KLK11: variants seen among roughly 807,000 people sequenced by gnomAD.
The protein encoded by KLK11 is kallikrein related peptidase 11.
Under a neutral mutation model 23.4 loss-of-function variants are expected in KLK11, and 10 were observed. The observed-to-expected ratio is 0.43, with a 90% CI of 0.26 to 0.73. The LOEUF (loss-of-function observed/expected upper bound fraction) is 0.73. Among genes scored for constraint, KLK11 ranks in the 30% least tolerant of loss-of-function variants. KLK11 has a pLI of 0.22. For synonymous variants in KLK11, 131 were observed against 131.7 expected (o/e 0.99, Z 0.03); for missense variants, 285 against 327.8 (o/e 0.87, Z 1.01).
Position 51,025,465 on chromosome 19 carries a change from C to T in KLK11, c.40+127G>A. 1.8e-6 allele frequency: 1 copy of T among 548,728 alleles called. No homozygotes were observed. Among genetic ancestry groups the T allele is most frequent in the Non-Finnish European group, 3.1e-6 (1 of 317,792 alleles). 34.0% of individuals were successfully genotyped at this position (548,728 alleles called of 1,614,324 possible). On this transcript the variant is annotated intron_variant, in intron 2 of 5. Coordinates refer to ENST00000453757, the MANE Select transcript of KLK11 (RefSeq NM_001136032.3). This position sits in a 1 kb window ranked among gnomAD's most constrained non-coding sequence, Gnocchi z 6.2. ...ATCCAGGCCCTCATGACCACTGCTC[C>T]AGTTCAGGTGCCTTATGGGTTGTTC...
chr19:51,023,015 A>T (rs1346239572), intron 5 of KLK11, 77 bp downstream of exon 5: 13 of 1,489,492 alleles, frequency 8.7e-6, no homozygotes, highest in Non-Finnish European at 1.1e-5. Context: ...GAGGTTGGGG[A>T]TGAAATTGTG....
At position 51,024,449 on chromosome 19, in the gene KLK11, C is replaced by A; in HGVS notation, c.198-139G>T. On this transcript the variant is annotated intron_variant, in intron 3 of 5. Transcript: ENST00000453757. The surrounding 1 kb of genome is among the most constrained non-coding windows in gnomAD (Gnocchi z 6.2). ...ACGTCTCCCACCGAAGCCCCCTTCCCAGCCATAGCCCCATCCCAACCCCAT... is the reference window on the plus strand; with the variant it reads ...ACGTCTCCCACCGAAGCCCCCTTCCAAGCCATAGCCCCATCCCAACCCCAT... 7.1e-7 allele frequency: 1 copy of A among 1,408,832 alleles called. No homozygotes were observed. The allele number at this position is 1,408,832 out of a possible 1,614,324, so 87.3% of individuals were successfully genotyped here. A position where few individuals can be genotyped will look rare whatever the true frequency, so the allele number is the denominator to read the frequency against.
At chr19:51,023,384 C>CTT (rs780238378) in intron 4 of KLK11, 156 bp from the exon 5 acceptor site, 12,628 of 478,602 alleles carry the variant, frequency 0.026, no homozygotes, top group South Asian at 0.034. Context: ...TGCTATCCAG[C>CTT]TTTTTTTTTT....
Position 51,022,692 on chromosome 19 carries a change from G to A in KLK11, c.606C>T (p.Asp202=). Residue 202 remains aspartate (D), a synonymous_variant, in exon 6 of 6, where the codon GAC becomes GAT. Coordinates refer to ENST00000453757, the MANE Select transcript of KLK11 (RefSeq NM_001136032.3). ...GGTTACAGACCAGAGGGCCCCCGGA[G>A]TCACCCTGGGCACGGGGAGAGAGAA... ...QEGGKDSCQG[D]SGGPLVCNQS... is the part of the protein sequence containing the mutation. The A allele has an allele frequency of 6.2e-7, 1 of 1,612,942 alleles. No individual in the cohort carries two copies. Among genetic ancestry groups the A allele is most frequent in the Non-Finnish European group, 8.5e-7 (1 of 1,180,034 alleles).
At chr19:51,026,621 C>A, upstream of KLK11, 3 of 986,824 alleles carry the variant, frequency 3.0e-6, no homozygotes, top group Non-Finnish European at 3.6e-6. Flanking sequence ...TGGGTTGGAG[C>A]GCCAGGTGCC....
Position 51,022,626 on chromosome 19 carries a change from A to G in KLK11, c.672T>C (p.Cys224=). Residue 224 remains cysteine, a synonymous_variant, in exon 6 of 6, where the codon TGT becomes TGC. Coordinates refer to ENST00000453757, the MANE Select transcript of KLK11 (RefSeq NM_001136032.3). ...AGACACCAGGCTTTCGGGTGATCGC[A>G]CACGGATCCTGGCCCCAGGAGATAA... ...QGIISWGQDP[C]AITRKPGVYT... 6.2e-7 allele frequency: 1 copy of G among 1,613,876 alleles called. No individual in the cohort carries two copies. Among genetic ancestry groups the G allele is most frequent in the Middle Eastern group, 1.7e-4 (1 of 5,796 alleles).
At chr19:51,027,529 G>A (rs758646547), upstream of KLK11, 13 of 1,613,790 alleles carry the variant, frequency 8.1e-6, no homozygotes, top group East Asian at 6.7e-5. Flanking sequence ...TGCGGAACCC[G>A]AGCGCAGATT....
In KLK11 at chr19:51,024,319, G is replaced by A. The variant is rs967521717; in HGVS notation, c.198-9C>T. 1.2e-6 allele frequency: 2 copies of A among 1,612,452 alleles called. No individual in the cohort carries two copies. Among genetic ancestry groups the A allele is most frequent in the African/African-American group, 1.3e-5 (1 of 74,864 alleles). On this transcript the variant is annotated splice_polypyrimidine_tract_variant and intron_variant, in intron 3 of 5. Coordinates refer to ENST00000453757, the MANE Select transcript of KLK11 (RefSeq NM_001136032.3). The surrounding 1 kb of genome is among the most constrained non-coding windows in gnomAD (Gnocchi z 6.2). ...GGTGAACTATGTAGCGGCTGAGGTG[G>A]GAGAGACAGTAGTTGGAGGAGGAAA...
In KLK11 at chr19:51,023,138, G is replaced by A. The variant is rs567192332; in HGVS notation, c.554C>T (p.Thr185Ile). The A allele has an allele frequency of 1.2e-6, 2 of 1,613,310 alleles. No homozygotes were observed. The highest frequency in any genetic ancestry group is 2.2e-5 in the South Asian group (2 of 90,800). Reference protein sequence around the residue: ...ENAYPGNITDTMVCASVQEGG... With the variant: ...ENAYPGNITDIMVCASVQEGG... ...TTCCTGCACGCTGGCACACACCATG[G>A]TGTCTGTGATGTTGCCGGGGTAGGC... Residue 185 changes from threonine to isoleucine, a missense_variant, in exon 5 of 6, where the codon ACC becomes ATC. Transcript: ENST00000453757.
upstream of KLK11, chr19:51,027,178 T>G (rs1191336463): frequency 2.5e-6 from 1 of 403,264 alleles, no homozygotes. Flanking sequence ...CCAGCCCAGG[T>G]GGGCCCCTGG....
In KLK11 at chr19:51,022,530, G is replaced by C; in HGVS notation, c.*15C>G. The C allele has an allele frequency of 6.2e-7, 1 of 1,614,116 alleles. No homozygotes were observed. The highest frequency in any genetic ancestry group is 8.5e-7 in the Non-Finnish European group (1 of 1,180,006). On this transcript the variant is annotated 3_prime_UTR_variant, in exon 6 of 6. Transcript: ENST00000453757. Reference sequence around the variant, plus strand: ...TGGAAATGGAGGGTGATGGGCTGTGGTGGGTGGGTCCAGTCTAATTGTTCT... The same window carrying C: ...TGGAAATGGAGGGTGATGGGCTGTGCTGGGTGGGTCCAGTCTAATTGTTCT...
In KLK11 at chr19:51,025,693, G is replaced by A. The variant is rs199597834; in HGVS notation, c.-35-27C>T. ...TGGGAACAAGGAGGGACATGGGGCC[G>A]CATCACTTTACGGGGAAATCGGGAG... is the stretch of plus-strand genomic sequence containing the variant. On this transcript the variant is annotated intron_variant, in intron 1 of 5. Coordinates refer to ENST00000453757, the MANE Select transcript of KLK11 (RefSeq NM_001136032.3). The surrounding 1 kb of genome is among the most constrained non-coding windows in gnomAD (Gnocchi z 6.2). The A allele has an allele frequency of 5.8e-5, 74 of 1,285,750 alleles. No homozygotes were observed. Among genetic ancestry groups the A allele is most frequent in the East Asian group, 2.7e-4 (10 of 36,886 alleles). 79.6% of individuals were successfully genotyped at this position (1,285,750 alleles called of 1,614,324 possible).
Position 51,024,405 on chromosome 19 carries a change from T to C in KLK11, c.198-95A>G, listed in dbSNP as rs2091448032. ...ACCTTTGAGGATGAAGAAACATCGC[T>C]CTGCTTCCAACCTCTTCCACGTCTC... On this transcript the variant is annotated intron_variant, in intron 3 of 5. Transcript: ENST00000453757. The surrounding 1 kb of genome is among the most constrained non-coding windows in gnomAD (Gnocchi z 6.2). 3.2e-6 allele frequency: 5 copies of C among 1,545,174 alleles called. No homozygotes were observed. The highest frequency in any genetic ancestry group is 4.5e-5 in the East Asian group (2 of 44,082).
chr19:51,022,239 T>C lies in KLK11; in HGVS notation c.*306A>G, dbSNP rs756310948. Reference sequence around the variant, plus strand: ...AGTAAGCACTCAGTAGATTCACTCATTTAGCAAATATTTATTGAAACCTTG... The same window carrying C: ...AGTAAGCACTCAGTAGATTCACTCACTTAGCAAATATTTATTGAAACCTTG... On this transcript the variant is annotated 3_prime_UTR_variant, in exon 6 of 6. Coordinates refer to ENST00000453757, the MANE Select transcript of KLK11 (RefSeq NM_001136032.3). 21 of 408,124 alleles carry C rather than the reference T, an allele frequency of 5.1e-5. No individual in the cohort carries two copies. Among genetic ancestry groups the C allele is most frequent in the Non-Finnish European group, 9.2e-5 (20 of 216,850 alleles). The allele number at this position is 408,124 out of a possible 1,614,324, so 25.3% of individuals were successfully genotyped here.
At chr19:51,026,664 G>T, upstream of KLK11, 6 of 929,370 alleles carry the variant, frequency 6.5e-6, no homozygotes, top group Non-Finnish European at 7.7e-6. Context: ...CAGGGGGGCG[G>T]CCCTGGGCGG....
Position 51,024,945 on chromosome 19 carries a change from C to T in KLK11, c.41-151G>A, listed in dbSNP as rs939896655. The T allele has an allele frequency of 8.3e-5, 55 of 664,724 alleles. No individual in the cohort carries two copies. The highest frequency in any genetic ancestry group is 2.4e-4 in the South Asian group (10 of 41,452). The allele number at this position is 664,724 out of a possible 1,614,324, so 41.2% of individuals were successfully genotyped here. A position where few individuals can be genotyped will look rare whatever the true frequency, so the allele number is the denominator to read the frequency against. ...TCTGGGTTGCCCTGGATGCTGGGGT[C>T]GGGTATTAAAGGATGAAAATACTTC... On this transcript the variant is annotated intron_variant, in intron 2 of 5. Transcript: ENST00000453757. The surrounding 1 kb of genome is among the most constrained non-coding windows in gnomAD (Gnocchi z 6.2).
At position 51,025,576 on chromosome 19, in the gene KLK11, C is replaced by G. The variant is rs62117661; in HGVS notation, c.40+16G>C. 1 of 1,543,264 alleles carries G rather than the reference C, an allele frequency of 6.5e-7. No homozygotes were observed. The highest frequency in any genetic ancestry group is 1.2e-5 in the South Asian group (1 of 83,288). On this transcript the variant is annotated intron_variant, in intron 2 of 5. Coordinates refer to ENST00000453757, the MANE Select transcript of KLK11 (RefSeq NM_001136032.3). The surrounding 1 kb of genome is among the most constrained non-coding windows in gnomAD (Gnocchi z 6.2). ...TCAAGAGGGAGGATCCTGCCCTGCCCCCATCCCCTGCGTACCTGTTGCCAG... is the reference window on the plus strand; with the variant it reads ...TCAAGAGGGAGGATCCTGCCCTGCCGCCATCCCCTGCGTACCTGTTGCCAG...
intron 5 of KLK11, 127 bp from the exon 6 acceptor site, chr19:51,022,824 G>A (rs1220610960): frequency 1.2e-5 from 13 of 1,109,062 alleles, no homozygotes; most frequent in Non-Finnish European, 1.6e-5. Context: ...AAAGGTGATA[G>A]GTTTAGCGAT....
intron 4 of KLK11, chr19:51,023,750 G>T: frequency 3.0e-6 from 1 of 332,652 alleles, no homozygotes; most frequent in Non-Finnish European, 5.4e-6. Context: ...ATCCTGACAG[G>T]TGGGTATAAT....
Sources: gnomAD v4.1 joint callset for allele counts on GRCh38, gnomAD v4.1.1 for gene constraint, Gnocchi (gnomAD v3.1) non-coding constraint, MANE v1.5 for transcripts, NCBI Gene and HGNC (gene_info 2026-07-23, HGNC 2026-07-21) for gene names.